Variants in SAMD12 observed in about 807,000 individuals in gnomAD.
SAMD12 encodes the protein sterile alpha motif domain containing 12.
In SAMD12, 9 loss-of-function variants were observed where a neutral mutation model predicts 15.0. That is an observed-to-expected ratio of 0.60 (90% CI 0.36 to 1.05). SAMD12 has a LOEUF of 1.05. Ranked by LOEUF, SAMD12 falls within the 50% of genes least tolerant of loss-of-function variation. The pLI, the probability that SAMD12 is intolerant of heterozygous loss-of-function variation, is 0.01. For missense variants in SAMD12, 230 were observed against 234.2 expected (o/e 0.98, Z 0.12); for synonymous variants, 86 against 90.1 (o/e 0.96, Z 0.25).
At chr8:118,339,279 C>G (rs1817231902) in intron 4 of SAMD12, among the ~76,000 whole-genome samples, 1 of 152,014 alleles carries the variant, frequency 6.6e-6, no homozygotes, top group Non-Finnish European at 1.5e-5. Flanking sequence ...GTAGTGAGCT[C>G]TGATTGTGCC....
intron 3 of SAMD12, among the ~76,000 whole-genome samples, chr8:118,435,094 C>T (rs1416185042): frequency 9.1e-5 from 2 of 21,938 alleles, no homozygotes; most frequent in Non-Finnish European, 2.7e-4. Context: ...CAGAGTGAGA[C>T]TCCATCTCAA....
chr8:118,554,776 G>A (rs190744986), intron 2 of SAMD12, among the ~76,000 whole-genome samples: 1 of 151,986 alleles, frequency 6.6e-6, no homozygotes, highest in East Asian at 1.9e-4. Flanking sequence ...TCAGTTGAAG[G>A]CCTCAAAAGC....
chr8:118,222,069 C>T (rs1184102872), intron 4 of SAMD12, among the ~76,000 whole-genome samples: 2 of 152,132 alleles, frequency 1.3e-5, no homozygotes, highest in Non-Finnish European at 2.9e-5. Flanking sequence ...AGAGGGAAGA[C>T]GTTTTTGTTT....
intron 4 of SAMD12, among the ~76,000 whole-genome samples, chr8:118,341,436 A>G (rs962878336): frequency 5.3e-5 from 8 of 152,304 alleles, no homozygotes; most frequent in Admixed American, 5.2e-4. Context: ...CTAAGAGACC[A>G]CCTCTGTGCA....
intron 4 of SAMD12, among the ~76,000 whole-genome samples, chr8:118,215,556 T>G (rs1479510507): frequency 6.6e-6 from 1 of 152,142 alleles, no homozygotes; most frequent in Non-Finnish European, 1.5e-5. Flanking sequence ...GGTGGTGCGC[T>G]GGACCCACTA....
chr8:118,498,657 T>A (rs1183080879), intron 2 of SAMD12, among the ~76,000 whole-genome samples: 1 of 152,202 alleles, frequency 6.6e-6, no homozygotes. Flanking sequence ...GCTTATGGTG[T>A]ATAGCACAGA....
chr8:118,488,624 T>C (rs565815638), intron 2 of SAMD12, among the ~76,000 whole-genome samples: 2 of 152,338 alleles, frequency 1.3e-5, no homozygotes, highest in African/African-American at 4.8e-5. Context: ...AATGGGGTGA[T>C]ACAGCATACA....
At chr8:118,389,394 G>A (rs1173049953) in intron 3 of SAMD12, among the ~76,000 whole-genome samples, 3 of 152,176 alleles carry the variant, frequency 2.0e-5, no homozygotes, top group Admixed American at 2.0e-4. Context: ...ACTAAGAAAA[G>A]GTAGACTGAA....
intron 3 of SAMD12, among the ~76,000 whole-genome samples, chr8:118,397,490 G>C (rs749311255): frequency 2.0e-5 from 3 of 152,156 alleles, no homozygotes; most frequent in African/African-American, 4.8e-5. Flanking sequence ...GAAACCCCAA[G>C]TCTACAGATT....
At chr8:118,174,461 G>A in the SAMD12 span, among the ~76,000 whole-genome samples, 1 of 152,088 alleles carries the variant, frequency 6.6e-6, no homozygotes, top group Non-Finnish European at 1.5e-5. Flanking sequence ...GTATCTGCGT[G>A]GGCCATTCAT....
chr8:118,295,972 T>G (rs759175739), intron 4 of SAMD12, among the ~76,000 whole-genome samples: 1 of 152,124 alleles, frequency 6.6e-6, no homozygotes, highest in Non-Finnish European at 1.5e-5. Flanking sequence ...CAGTTCACAC[T>G]GGGATGGGAA....
At chr8:118,446,544 T>C (rs1236202682) in intron 2 of SAMD12, among the ~76,000 whole-genome samples, 2 of 152,152 alleles carry the variant, frequency 1.3e-5, no homozygotes, top group East Asian at 3.8e-4. Context: ...TTGAGCTACA[T>C]AAAATTTGGA....
the SAMD12 span, among the ~76,000 whole-genome samples, chr8:118,183,064 G>A: frequency 6.6e-6 from 1 of 152,156 alleles, no homozygotes; most frequent in South Asian, 2.1e-4. Flanking sequence ...CAAATCAAAT[G>A]CCTGCTCACT....
chr8:118,172,992 C>T, the SAMD12 span, among the ~76,000 whole-genome samples: 51 of 152,234 alleles, frequency 3.4e-4, no homozygotes, highest in African/African-American at 9.4e-4. Flanking sequence ...TGGAATCATG[C>T]GATATTTGTC....
chr8:118,579,588 C>G (rs1024933831), intron 2 of SAMD12, among the ~76,000 whole-genome samples: 1 of 152,068 alleles, frequency 6.6e-6, no homozygotes, highest in African/African-American at 2.4e-5. Flanking sequence ...CCAAACTGTA[C>G]ATAAAGCAAA....
the SAMD12 span, among the ~76,000 whole-genome samples, chr8:118,132,881 T>A: frequency 6.7e-6 from 1 of 150,230 alleles, no homozygotes; most frequent in Non-Finnish European, 1.5e-5. Flanking sequence ...TGTGGCCACC[T>A]ATCAGGGAGA....
At chr8:118,360,495 A>C (rs1399942985) in intron 4 of SAMD12, among the ~76,000 whole-genome samples, 1 of 147,478 alleles carries the variant, frequency 6.8e-6, no homozygotes, top group African/African-American at 2.4e-5. Context: ...CCTCTAAAAC[A>C]AGTTTTTTCT....
intron 4 of SAMD12, among the ~76,000 whole-genome samples, chr8:118,341,166 C>A (rs910033051): frequency 1.3e-5 from 2 of 152,106 alleles, no homozygotes; most frequent in African/African-American, 2.4e-5. Context: ...TCCTCTAGGG[C>A]CTCTTCATGT....
At chr8:118,248,433 T>A (rs1372011202) in intron 4 of SAMD12, among the ~76,000 whole-genome samples, 2 of 152,216 alleles carry the variant, frequency 1.3e-5, no homozygotes, top group East Asian at 3.9e-4. Flanking sequence ...AAGCTGGTGG[T>A]CAACACTGAT....
Sources: gnomAD v4.1 joint callset for allele counts (sites outside exome capture counted in the v4.1 genomes callset) on GRCh38, gnomAD v4.1.1 for gene constraint, MANE v1.5 for transcripts, NCBI Gene and HGNC (gene_info 2026-07-23, HGNC 2026-07-21) for gene names.